The following DPH6 variants were observed in gnomAD, a reference collection of about 807,000 sequenced individuals.
DPH6 encodes the protein diphthine--ammonia ligase.
In DPH6, 33 loss-of-function variants were observed where a neutral mutation model predicts 38.2. The ratio of observed to expected loss-of-function variants is 0.86; its 90% CI spans 0.65 to 1.15. The LOEUF (loss-of-function observed/expected upper bound fraction) is 1.15. DPH6 is among the 50% of genes most tolerant of loss of function. The probability of loss-of-function intolerance (pLI) is 0.00; values close to 1 mark genes in which losing one functional copy is unlikely to be tolerated. For synonymous variants in DPH6, 108 were observed against 103.0 expected (o/e 1.05, Z -0.30); for missense variants, 325 against 320.0 (o/e 1.02, Z -0.12).
the DPH6 span, among the ~76,000 whole-genome samples, chr15:35,166,079 T>C: frequency 6.6e-6 from 1 of 151,920 alleles, no homozygotes; most frequent in African/African-American, 2.4e-5. Flanking sequence ...CCTTGGCATA[T>C]TGAATATTTT....
At chr15:35,517,536 C>T (rs986311054) in intron 3 of DPH6, among the ~76,000 whole-genome samples, 4 of 151,996 alleles carry the variant, frequency 2.6e-5, no homozygotes, top group African/African-American at 9.7e-5. Flanking sequence ...AGAGGAACTA[C>T]CATATTTGGT....
intron 3 of DPH6, among the ~76,000 whole-genome samples, chr15:35,467,833 G>A (rs776754693): frequency 6.6e-6 from 1 of 152,200 alleles, no homozygotes; most frequent in African/African-American, 2.4e-5. Context: ...ACAATAAACA[G>A]TCATTGTAGC....
At chr15:35,428,781 G>A (rs2053599411) in intron 5 of DPH6, among the ~76,000 whole-genome samples, 1 of 151,862 alleles carries the variant, frequency 6.6e-6, no homozygotes, top group Non-Finnish European at 1.5e-5. Context: ...TAAATATATA[G>A]CTCCTTTAAA....
intron 3 of DPH6, among the ~76,000 whole-genome samples, chr15:35,339,015 C>G (rs929797423): frequency 6.6e-6 from 1 of 151,754 alleles, no homozygotes; most frequent in African/African-American, 2.4e-5. Context: ...GGGAACATCA[C>G]ACACTGGGGC....
chr15:35,514,005 A>G (rs949969006), intron 3 of DPH6, among the ~76,000 whole-genome samples: 17 of 152,074 alleles, frequency 1.1e-4, no homozygotes, highest in African/African-American at 4.1e-4. Flanking sequence ...TTCTAAGTCA[A>G]TAACAACATG....
At chr15:35,299,694 C>T (rs928154919) in intron 3 of DPH6, among the ~76,000 whole-genome samples, 1 of 152,234 alleles carries the variant, frequency 6.6e-6, no homozygotes, top group Non-Finnish European at 1.5e-5. Context: ...CACATAGATA[C>T]ACCTTAGGGA....
At chr15:35,329,222 C>T (rs1173282623), downstream of DPH6, among the ~76,000 whole-genome samples, 1 of 152,032 alleles carries the variant, frequency 6.6e-6, no homozygotes, top group Non-Finnish European at 1.5e-5. Flanking sequence ...TGTGTATTAG[C>T]TATTATTAAC....
rs77942188 is a variant in DPH6, at chr15:35,235,442, T to A, written n.201-14860A>T. Among the ~76,000 whole-genome samples the A allele has an allele frequency of 6.7e-3, 1,025 of 152,330 alleles. 3 individuals are homozygous for A. Among genetic ancestry groups the A allele is most frequent in the Non-Finnish European group, 0.011 (769 of 68,026 alleles). ...AGTCTCCTCAATGTGTGTGCACAGG[T>A]CGATTACTTGGCAAAAAAATCCAAT... On this transcript the variant is annotated intron_variant and non_coding_transcript_variant, in intron 3 of 3. Transcript: ENST00000560386.
At chr15:35,432,423 C>T (rs975219578) in intron 5 of DPH6, among the ~76,000 whole-genome samples, 3 of 152,036 alleles carry the variant, frequency 2.0e-5, no homozygotes, top group African/African-American at 4.8e-5. Context: ...ACAGTTCCTA[C>T]CAGAAATTAA....
chr15:35,204,661 A>C, the DPH6 span, among the ~76,000 whole-genome samples: 2 of 151,762 alleles, frequency 1.3e-5, no homozygotes, highest in Non-Finnish European at 3.0e-5. Context: ...AATACAGTAA[A>C]AGGAGTAATT....
downstream of DPH6, chr15:35,330,789 C>T (rs1422977598): frequency 6.6e-6 from 1 of 152,144 alleles, no homozygotes; most frequent in African/African-American, 2.4e-5. Context: ...TATTACCAGA[C>T]AGTCAATGCT....
the DPH6 span, among the ~76,000 whole-genome samples, chr15:35,187,796 G>A: frequency 3.0e-4 from 45 of 152,114 alleles, no homozygotes; most frequent in Non-Finnish European, 4.4e-5. Flanking sequence ...GACCAGCCTT[G>A]CCAACATAGA....
intron 3 of DPH6, among the ~76,000 whole-genome samples, chr15:35,229,441 C>T (rs1313550400): frequency 6.6e-6 from 1 of 151,960 alleles, no homozygotes; most frequent in East Asian, 1.9e-4. Context: ...TTCCAAATTC[C>T]TTCTCTGTGA....
In DPH6 at chr15:35,291,544, C is replaced by A. The variant is rs201256965; in HGVS notation, n.201-70962G>T. Among the ~76,000 whole-genome samples the A allele has an allele frequency of 4.6e-5, 7 of 152,224 alleles. No homozygotes were observed. In the East Asian group the frequency reaches 1.2e-3, roughly 25 times the overall value. On this transcript the variant is annotated intron_variant and non_coding_transcript_variant, in intron 3 of 3. Transcript: ENST00000560386. ...TGTTATTTGTTAATTTTTGGCTCTTCTTTCATATTTTATGCTCATTTGGAT... is the reference window on the plus strand; with the variant it reads ...TGTTATTTGTTAATTTTTGGCTCTTATTTCATATTTTATGCTCATTTGGAT...
At chr15:35,492,330 T>C (rs1253063323) in intron 3 of DPH6, among the ~76,000 whole-genome samples, 4 of 152,114 alleles carry the variant, frequency 2.6e-5, no homozygotes, top group Non-Finnish European at 5.9e-5. Flanking sequence ...ACTAGATATA[T>C]GGGCATGAAA....
the DPH6 span, among the ~76,000 whole-genome samples, chr15:35,209,659 T>A: frequency 6.6e-6 from 1 of 152,232 alleles, no homozygotes; most frequent in African/African-American, 2.4e-5. Flanking sequence ...TTCTAAAAAC[T>A]TTAAGCTTCT....
intron 3 of DPH6, 48 bp from the exon 4 acceptor site, chr15:35,454,868 G>T (rs769240065): frequency 1.8e-5 from 24 of 1,359,624 alleles, no homozygotes; most frequent in Middle Eastern, 1.8e-4. Flanking sequence ...AGTAACAAAT[G>T]GCTCCACATC....
At chr15:35,323,836 A>G (rs1030697286) in intron 3 of DPH6, among the ~76,000 whole-genome samples, 6 of 152,354 alleles carry the variant, frequency 3.9e-5, no homozygotes, top group African/African-American at 1.4e-4. Flanking sequence ...TCTGCCGGAA[A>G]TAATTTTATA....
At chr15:35,408,475 T>C (rs1360371451) in intron 6 of DPH6, among the ~76,000 whole-genome samples, 1 of 151,988 alleles carries the variant, frequency 6.6e-6, no homozygotes, top group African/African-American at 2.4e-5. Context: ...TTGTGGTATC[T>C]GTGGGCACTG....
Sources: gnomAD v4.1 joint callset for allele counts (sites outside exome capture counted in the v4.1 genomes callset) on GRCh38, gnomAD v4.1.1 for gene constraint, MANE v1.5 for transcripts, NCBI Gene and HGNC (gene_info 2026-07-23, HGNC 2026-07-21) for gene names.